CDH8: variants seen among roughly 807,000 people sequenced by gnomAD.
The protein encoded by CDH8 is cadherin-8.
Under a neutral mutation model 68.1 loss-of-function variants are expected in CDH8, and 17 were observed. The observed-to-expected ratio is 0.25, with a 90% confidence interval of 0.17 to 0.37. CDH8 has a LOEUF of 0.37. Ranked by LOEUF, CDH8 falls within the 10% of genes least tolerant of loss-of-function variation. The pLI, the probability that CDH8 is intolerant of heterozygous loss-of-function variation, is 1.00. For synonymous variants in CDH8, 372 were observed against 365.1 expected (o/e 1.02, Z -0.21); for missense variants, 763 against 999.3 (o/e 0.76, Z 3.19).
chr16:61,723,281 G>T (rs951428867), intron 9 of CDH8, among the ~76,000 whole-genome samples: 2 of 150,656 alleles, frequency 1.3e-5, no homozygotes, highest in African/African-American at 2.4e-5. Context: ...CTTCGTGTTT[G>T]GTTCTGAGTG....
chr16:62,029,325 A>G lies in CDH8; in HGVS notation c.-200+6755T>C, dbSNP rs74765864. On this transcript the variant is annotated intron_variant, in intron 1 of 11. Coordinates refer to ENST00000577390, the MANE Select transcript of CDH8 (RefSeq NM_001796.5). ...CTGTGTATGTACTTCAGTGGGGAAAATTCCAATGTTCTGTGTAGACAGGTA... is the reference window on the plus strand; with the variant it reads ...CTGTGTATGTACTTCAGTGGGGAAAGTTCCAATGTTCTGTGTAGACAGGTA... Among the ~76,000 whole-genome samples, 471 of 152,324 alleles carry G rather than the reference A, an allele frequency of 3.1e-3. 3 individuals carry two copies. The highest frequency in any genetic ancestry group is 0.011 in the African/African-American group (461 of 41,576).
intron 1 of CDH8, among the ~76,000 whole-genome samples, chr16:62,026,166 A>G (rs957853563): frequency 3.0e-4 from 45 of 152,304 alleles, no homozygotes; most frequent in African/African-American, 1.0e-3. Context: ...CTTCCGAATG[A>G]CCATTAACCA....
chr16:61,759,430 A>C (rs72796902), intron 8 of CDH8, among the ~76,000 whole-genome samples: 12,011 of 152,018 alleles, frequency 0.079, 546 homozygotes, highest in African/African-American at 0.1. Context: ...GTAGTAGTAT[A>C]GCAGTAGTAG....
At chr16:62,001,864 G>A (rs1965899709) in intron 2 of CDH8, among the ~76,000 whole-genome samples, 1 of 152,142 alleles carries the variant, frequency 6.6e-6, no homozygotes, top group Non-Finnish European at 1.5e-5. Flanking sequence ...TTTTCCAGGA[G>A]TAATGTGAGA....
At chr16:61,782,885 T>C (rs1257684073) in intron 8 of CDH8, among the ~76,000 whole-genome samples, 1 of 152,020 alleles carries the variant, frequency 6.6e-6, no homozygotes, top group Non-Finnish European at 1.5e-5. Flanking sequence ...GGTCCTGTGT[T>C]AGAAGGAAAA....
rs1297294183 is a variant in CDH8 at position 61,647,672 on chromosome 16, T to C, written c.*5936A>G. ...TGTCATGGTCCATCTTAGAGCATAATTGTTAAAATTTTCCTCTTATTTTTG... is the reference window on the plus strand; with the variant it reads ...TGTCATGGTCCATCTTAGAGCATAACTGTTAAAATTTTCCTCTTATTTTTG... On this transcript the variant is annotated 3_prime_UTR_variant, in exon 12 of 12. Coordinates refer to ENST00000577390, the MANE Select transcript of CDH8 (RefSeq NM_001796.5). The C allele has an allele frequency of 2.2e-5, 14 of 624,906 alleles. No homozygotes were observed. The highest frequency in any genetic ancestry group is 5.7e-5 in the South Asian group (3 of 52,910). 38.7% of individuals were successfully genotyped at this position (624,906 alleles called of 1,614,324 possible). A position where few individuals can be genotyped will look rare whatever the true frequency, so the allele number is the denominator to read the frequency against.
At position 61,647,800 on chromosome 16, in the gene CDH8, C is replaced by T. The variant is rs1487869512; in HGVS notation, c.*5808G>A. On this transcript the variant is annotated 3_prime_UTR_variant, in exon 12 of 12. Transcript: ENST00000577390. Reference sequence around the variant, plus strand: ...TCTCATTTCCTTTTCTGGTCCTGACCTCTGAGTTCATTGAAGCCATGGTTT... The same window carrying T: ...TCTCATTTCCTTTTCTGGTCCTGACTTCTGAGTTCATTGAAGCCATGGTTT... 3 of 699,552 alleles carry T rather than the reference C, an allele frequency of 4.3e-6. No homozygotes were observed. Among genetic ancestry groups the T allele is most frequent in the South Asian group, 1.5e-5 (1 of 67,508 alleles). The allele number at this position is 699,552 out of a possible 1,614,324, so 43.3% of individuals were successfully genotyped here.
In CDH8 at chr16:61,856,052, G is replaced by A. The variant is rs555654478; in HGVS notation, c.667+1067C>T. Among the ~76,000 whole-genome samples the A allele has an allele frequency of 7.2e-5, 11 of 151,992 alleles. No individual in the cohort carries two copies. In the South Asian group the frequency reaches 8.3e-4, roughly 11 times the overall value. On this transcript the variant is annotated intron_variant, in intron 4 of 11. Transcript: ENST00000577390. ...AATGTACTTTTCCTCAGTATTAAAC[G>A]TATTAAGATTTTACCCTTTGAATTT...
chr16:61,714,682 T>C (rs1964690842), intron 9 of CDH8, among the ~76,000 whole-genome samples: 1 of 151,618 alleles, frequency 6.6e-6, no homozygotes, highest in Non-Finnish European at 1.5e-5. Context: ...AGTTGTTTCT[T>C]GGGATGTCAG....
chr16:61,937,702 C>G (rs1227667198), intron 2 of CDH8, among the ~76,000 whole-genome samples: 1 of 152,110 alleles, frequency 6.6e-6, no homozygotes, highest in Non-Finnish European at 1.5e-5. Flanking sequence ...TATAAAGGAT[C>G]TTGGATATAT....
rs922710781 is a variant in CDH8 at position 61,996,674 on chromosome 16, A to G, written c.252+24478T>C. On this transcript the variant is annotated intron_variant, in intron 2 of 11. Transcript: ENST00000577390. Reference sequence around the variant, plus strand: ...ATTAATAAAATGATTTTCAAAACACAAATTAAATTATATTATATCAATCAG... The same window carrying G: ...ATTAATAAAATGATTTTCAAAACACGAATTAAATTATATTATATCAATCAG... Among the ~76,000 whole-genome samples the G allele has an allele frequency of 2.6e-5, 4 of 152,288 alleles. No homozygotes were observed. In the East Asian group the frequency reaches 7.7e-4, roughly 29 times the overall value.
chr16:61,783,879 C>A (rs1258073918), intron 8 of CDH8, among the ~76,000 whole-genome samples: 1 of 152,118 alleles, frequency 6.6e-6, no homozygotes, highest in Non-Finnish European at 1.5e-5. Context: ...TACAGACAAG[C>A]AAATGCTGAC....
rs1417449765 is a variant in CDH8 at position 61,653,744 on chromosome 16, A to T, written c.2264T>A (p.Val755Glu). 1 of 1,614,206 alleles carries T rather than the reference A, an allele frequency of 6.2e-7. No individual in the cohort carries two copies. The highest frequency in any genetic ancestry group is 1.7e-5 in the Admixed American group (1 of 60,022). Residue 755 changes from valine to glutamate, a missense_variant, in exon 12 of 12, where the codon GTG becomes GAG. By Grantham distance (121) the Val-to-Glu change is moderately radical (BLOSUM62 -2). Around this residue, in one of 2 missense-constraint regions of CDH8, gnomAD observed 397 missense variants for 436.2 expected, o/e 0.91. Coordinates refer to ENST00000577390, the MANE Select transcript of CDH8 (RefSeq NM_001796.5). ...QIYGYEGRGS[V>E]AGSLSSLEST... ...CTCCAAGGAGCTGAGGGAGCCAGCC[A>T]CTGACCCTCGGCCTTCATAGCCATA... is the stretch of plus-strand genomic sequence containing the variant.
intron 4 of CDH8, among the ~76,000 whole-genome samples, chr16:61,854,775 T>C (rs1963010616): frequency 6.6e-6 from 1 of 152,126 alleles, no homozygotes; most frequent in African/African-American, 2.4e-5. Context: ...TTAGCTTGTA[T>C]AACCTCCTTT....
chr16:61,662,698 A>G (rs12446607), intron 10 of CDH8, among the ~76,000 whole-genome samples: 7 of 151,930 alleles, frequency 4.6e-5, no homozygotes, highest in Admixed American at 4.6e-4. Context: ...ATATATAGTA[A>G]CTATATTGCA....
intron 2 of CDH8, among the ~76,000 whole-genome samples, chr16:61,904,301 T>C (rs1274490126): frequency 6.6e-6 from 1 of 152,214 alleles, no homozygotes; most frequent in Non-Finnish European, 1.5e-5. Flanking sequence ...AGTCTTCACA[T>C]AAGTGTGTCA....
chr16:61,715,749 G>T (rs144636622), intron 9 of CDH8, among the ~76,000 whole-genome samples: 146 of 151,560 alleles, frequency 9.6e-4, no homozygotes, highest in Middle Eastern at 3.4e-3. Context: ...AGGCCCTAGG[G>T]TACTTGTTTC....
At chr16:61,962,137 T>A (rs10451107) in intron 2 of CDH8, among the ~76,000 whole-genome samples, 3 of 152,102 alleles carry the variant, frequency 2.0e-5, no homozygotes, top group East Asian at 3.9e-4. Flanking sequence ...ATCCTCATTG[T>A]CTTCACCTTG....
At chr16:61,824,919 T>C in intron 5 of CDH8, 93 bp downstream of exon 5, 2 of 1,051,656 alleles carry the variant, frequency 1.9e-6, no homozygotes, top group Non-Finnish European at 2.8e-6. Context: ...CAATAGTTGC[T>C]GTCAGGTTTT....
Sources: allele counts gnomAD v4.1 joint callset (sites outside exome capture counted in the v4.1 genomes callset), GRCh38; gene constraint gnomAD v4.1.1; regional missense constraint gnomAD v4.1.1; transcripts MANE v1.5; gene names NCBI Gene and HGNC (gene_info 2026-07-23, HGNC 2026-07-21).